Variants in PHLPP2 observed in about 807,000 individuals in gnomAD.
The protein encoded by PHLPP2 is PH domain and leucine rich repeat protein phosphatase 2, also known as PH domain leucine-rich repeat-containing protein phosphatase 2.
In PHLPP2, 66 loss-of-function variants were observed where a neutral mutation model predicts 124.9. The observed-to-expected ratio is 0.53, with a 90% CI of 0.43 to 0.65. The LOEUF (loss-of-function observed/expected upper bound fraction) is 0.65, where lower values mean the gene tolerates loss of function less well. Ranked by LOEUF, PHLPP2 falls within the 30% of genes least tolerant of loss-of-function variation. The probability of loss-of-function intolerance (pLI) is 0.00; values close to 1 mark genes in which losing one functional copy is unlikely to be tolerated. For missense variants in PHLPP2, 1,685 were observed against 1,600.4 expected (o/e 1.05, Z -0.90); for synonymous variants, 681 against 624.7 (o/e 1.09, Z -1.34).
At chr16:71,659,732 G>T (rs1038037114) in intron 13 of PHLPP2, among the ~76,000 whole-genome samples, 2 of 152,144 alleles carry the variant, frequency 1.3e-5, no homozygotes, top group African/African-American at 2.4e-5. Flanking sequence ...TAACTTAAGT[G>T]AGACTAACAC....
chr16:71,692,679 A>G (rs1214266649), intron 3 of PHLPP2, among the ~76,000 whole-genome samples: 1 of 152,166 alleles, frequency 6.6e-6, no homozygotes, highest in Non-Finnish European at 1.5e-5. Context: ...CACAGATGCT[A>G]TAGTCTCTTA....
chr16:71,669,512 C>G (rs1001528018), intron 10 of PHLPP2, 142 bp from the exon 11 acceptor site: 2 of 608,940 alleles, frequency 3.3e-6, no homozygotes, highest in Non-Finnish European at 5.8e-6. Context: ...GGAACACTGC[C>G]TGGAATATAG....
At position 71,649,851 on chromosome 16, in the gene PHLPP2, T is replaced by G. The variant is rs1361989691; in HGVS notation, c.3011A>C (p.Gln1004Pro). 3.7e-6 allele frequency: 6 copies of G among 1,614,088 alleles called. No homozygotes were observed. The highest frequency in any genetic ancestry group is 4.2e-6 in the Non-Finnish European group (5 of 1,180,012). ...CTTCTTAGCAGCTGCTAATGGGTCTTGTACGTGACGTACAGCATTGACAGC... is the reference window on the plus strand; with the variant it reads ...CTTCTTAGCAGCTGCTAATGGGTCTGGTACGTGACGTACAGCATTGACAGC... ...TEAVNAVRHV[Q>P]DPLAAAKKLC... is the part of the protein sequence containing the mutation. Residue 1004 changes from glutamine to proline, a missense_variant, in exon 19 of 19, where the codon CAA becomes CCA. Coordinates refer to ENST00000568954, the MANE Select transcript of PHLPP2 (RefSeq NM_015020.3).
chr16:71,705,830 T>C (rs1310439224), intron 2 of PHLPP2, among the ~76,000 whole-genome samples: 1 of 152,212 alleles, frequency 6.6e-6, no homozygotes, highest in Non-Finnish European at 1.5e-5. Flanking sequence ...ATATCTACCG[T>C]AAGAAAGTAT....
chr16:71,663,879 A>G lies in PHLPP2; in HGVS notation c.1985+20T>C. The G allele has an allele frequency of 1.3e-6, 2 of 1,573,390 alleles. No homozygotes were observed. The highest frequency in any genetic ancestry group is 1.8e-6 in the Non-Finnish European group (2 of 1,142,830). On this transcript the variant is annotated intron_variant, in intron 13 of 18. Transcript: ENST00000568954. The stretch of plus-strand genomic sequence containing the variant: ...TTAATGTTGTGTATTTGAAATGATC[A>G]AAGTTTGCATTCATTTTACCTTGCA...
rs2044762414 is a variant in PHLPP2 at position 71,658,708 on chromosome 16, G to A, written c.2093C>T (p.Ala698Val). Residue 698 changes from alanine to valine, a missense_variant, in exon 14 of 19, where the codon GCA becomes GTA. Physicochemically the swap from Ala to Val is moderately conservative, Grantham distance 64. Transcript: ENST00000568954. The part of the protein sequence containing the change: ...ANCKRLHTLV[A>V]HSNNISIFPE... Reference sequence around the variant, plus strand: ...GAAAATGCTGATGTTGTTGGAGTGTGCAACAAGGGTGTGCAGCCTTTTACA... The same window carrying A: ...GAAAATGCTGATGTTGTTGGAGTGTACAACAAGGGTGTGCAGCCTTTTACA... 1 of 1,614,102 alleles carries A rather than the reference G, an allele frequency of 6.2e-7. No individual in the cohort carries two copies. Among genetic ancestry groups the A allele is most frequent in the Non-Finnish European group, 8.5e-7 (1 of 1,179,980 alleles).
intron 2 of PHLPP2, 94 bp from the exon 3 acceptor site, chr16:71,702,825 G>A: frequency 2.6e-6 from 2 of 758,530 alleles, no homozygotes; most frequent in Non-Finnish European, 4.1e-6. Flanking sequence ...AAATTTCAGG[G>A]GTACAAGTGC....
At position 71,681,804 on chromosome 16, in the gene PHLPP2, C is replaced by T. The variant is rs760681478; in HGVS notation, c.837G>A (p.Leu279=). ...FYSQDITYLN[L]RHNFMQLERP... is the part of the protein sequence containing the mutation. Reference sequence around the variant, plus strand: ...TTTCTAACTGCATGAAGTTGTGTCGCAAGTTGAGGTAGGTAATATCTTGAC... The same window carrying T: ...TTTCTAACTGCATGAAGTTGTGTCGTAAGTTGAGGTAGGTAATATCTTGAC... Residue 279 remains leucine (L), a synonymous_variant, in exon 6 of 19, where the codon TTG becomes TTA. Transcript: ENST00000568954. The T allele has an allele frequency of 1.9e-6, 3 of 1,613,854 alleles. No individual in the cohort carries two copies. The highest frequency in any genetic ancestry group is 2.5e-6 in the Non-Finnish European group (3 of 1,179,892).
In PHLPP2 at chr16:71,656,662, T is replaced by C; in HGVS notation, c.2299A>G (p.Ile767Val). The C allele has an allele frequency of 6.2e-7, 1 of 1,611,412 alleles. No individual in the cohort carries two copies. Among genetic ancestry groups the C allele is most frequent in the East Asian group, 2.2e-5 (1 of 44,856 alleles). ...DIFSHITTLK[I>V]DQKPLPTTDS... is the part of the protein sequence containing the mutation. ...GTGGTTGGCAAAGGTTTCTGATCAA[T>C]TTTCAGGGTTGTGATATGGCTGTGG... Residue 767 changes from isoleucine (I) to valine (V), a missense_variant, in exon 16 of 19, where the codon ATT becomes GTT. Coordinates refer to ENST00000568954, the MANE Select transcript of PHLPP2 (RefSeq NM_015020.3).
intron 5 of PHLPP2, among the ~76,000 whole-genome samples, chr16:71,682,848 G>A (rs920332493): frequency 5.3e-5 from 8 of 152,066 alleles, no homozygotes; most frequent in Admixed American, 2.0e-4. Context: ...TATAAAAATT[G>A]ATCTAAAAAA....
chr16:71,692,132 C>T (rs771950013), intron 3 of PHLPP2, among the ~76,000 whole-genome samples: 6 of 151,730 alleles, frequency 4.0e-5, no homozygotes, highest in South Asian at 2.1e-4. Context: ...TGCAGTGGCG[C>T]GATCTCGGCT....
At chr16:71,682,899 G>A (rs567806507) in intron 5 of PHLPP2, among the ~76,000 whole-genome samples, 2 of 152,294 alleles carry the variant, frequency 1.3e-5, no homozygotes, top group Non-Finnish European at 2.9e-5. Flanking sequence ...ATGGCTAGGC[G>A]TGGTGGCTCA....
chr16:71,690,767 T>A, intron 3 of PHLPP2, 58 bp from the exon 4 acceptor site: 1 of 1,211,356 alleles, frequency 8.3e-7, no homozygotes, highest in Non-Finnish European at 1.2e-6. Flanking sequence ...AATACAGAAA[T>A]GGAAAAAGAA....
In PHLPP2 at chr16:71,649,547, G is replaced by T; in HGVS notation, c.3315C>A (p.Gly1105=). The T allele has an allele frequency of 6.2e-7, 1 of 1,614,136 alleles. No homozygotes were observed. The highest frequency in any genetic ancestry group is 8.5e-7 in the Non-Finnish European group (1 of 1,180,022). ...STASDEHNAG[G]LDTALLPRPE... ...GCCTCGGAAGCAAGGCAGTGTCCAG[G>T]CCCCCAGCATTATGCTCATCAGAAG... The change falls in exon 19 of 19, where the codon GGC becomes GGA. Residue 1105 remains glycine, a synonymous_variant. Coordinates refer to ENST00000568954, the MANE Select transcript of PHLPP2 (RefSeq NM_015020.3).
At chr16:71,685,884 A>T (rs1454223854) in intron 4 of PHLPP2, among the ~76,000 whole-genome samples, 6 of 152,236 alleles carry the variant, frequency 3.9e-5, no homozygotes, top group Non-Finnish European at 8.8e-5. Context: ...TTACATATAT[A>T]TAACTTTGGA....
At chr16:71,715,013 T>C in intron 1 of PHLPP2, 1 of 594,332 alleles carries the variant, frequency 1.7e-6, no homozygotes, top group Non-Finnish European at 2.9e-6. Context: ...CCATCCATCA[T>C]CTTCGTTGAC....
Position 71,669,509 on chromosome 16 carries a change from T to C in PHLPP2, c.1533-139A>G, listed in dbSNP as rs905946820. On this transcript the variant is annotated intron_variant, in intron 10 of 18. Coordinates refer to ENST00000568954, the MANE Select transcript of PHLPP2 (RefSeq NM_015020.3). ...GTCTCCAAGGCATCCCTTGGAACAC[T>C]GCCTGGAATATAGTAGGTGCTCATT... is the stretch of plus-strand genomic sequence containing the variant. 1.3e-5 allele frequency: 8 copies of C among 613,266 alleles called. No individual in the cohort carries two copies. The African/African-American group carries it at 1.5e-4, about 11-fold the overall frequency. 38.0% of individuals were successfully genotyped at this position (613,266 alleles called of 1,614,324 possible). A position where few individuals can be genotyped will look rare whatever the true frequency, so the allele number is the denominator to read the frequency against.
chr16:71,668,248 T>TA (rs1322996382), intron 11 of PHLPP2, among the ~76,000 whole-genome samples: 1 of 150,590 alleles, frequency 6.6e-6, no homozygotes, highest in Non-Finnish European at 1.5e-5. Flanking sequence ...CGTTCTCTAC[T>TA]AAAAATACAA....
At chr16:71,705,649 C>T (rs2045268394) in intron 2 of PHLPP2, among the ~76,000 whole-genome samples, 1 of 152,076 alleles carries the variant, frequency 6.6e-6, no homozygotes, top group Non-Finnish European at 1.5e-5. Flanking sequence ...GTAGCTGGGA[C>T]TACAGGCCCA....
Sources: allele counts gnomAD v4.1 joint callset (sites outside exome capture counted in the v4.1 genomes callset), GRCh38; gene constraint gnomAD v4.1.1; transcripts MANE v1.5; gene names NCBI Gene and HGNC (gene_info 2026-07-23, HGNC 2026-07-21).